Variants in HDAC9 observed in about 807,000 individuals in gnomAD.
HDAC9 encodes the protein MEF-2 interacting transcription repressor (MITR) protein.
In HDAC9, 41 loss-of-function variants were observed where a neutral mutation model predicts 139.4. The observed-to-expected ratio is 0.29, with a 90% confidence interval of 0.23 to 0.38. The LOEUF is 0.38. Ranked by LOEUF, HDAC9 falls within the 10% of genes least tolerant of loss-of-function variation. The pLI is 1.00. For missense variants in HDAC9, 1,147 were observed against 1,297.0 expected, an observed-to-expected ratio of 0.88 and a Z score of 1.78; for synonymous variants, 517 against 476.2, an observed-to-expected ratio of 1.09 and a Z score of -1.12.
intron 12 of HDAC9, among the ~76,000 whole-genome samples, chr7:18,711,724 G>A (rs563625563): frequency 2.0e-5 from 3 of 152,132 alleles, no homozygotes; most frequent in Non-Finnish European, 4.4e-5. Flanking sequence ...TGAGAGGAAC[G>A]CTGTCTTCCA....
chr7:18,218,581 A>C (rs1467513397), intron 2 of HDAC9, among the ~76,000 whole-genome samples: 2 of 152,180 alleles, frequency 1.3e-5, no homozygotes, highest in African/African-American at 4.8e-5. Flanking sequence ...GAAGGTGCGG[A>C]TCATTGGGCC....
intron 1 of HDAC9, among the ~76,000 whole-genome samples, chr7:18,311,652 A>G (rs1376826526): frequency 4.6e-5 from 7 of 152,096 alleles, no homozygotes; most frequent in South Asian, 4.1e-4. Context: ...CGCTCATAGT[A>G]CTATATTCTG....
chr7:18,089,989 C>A (rs1782039671), intron 1 of HDAC9, among the ~76,000 whole-genome samples: 1 of 151,958 alleles, frequency 6.6e-6, no homozygotes, highest in African/African-American at 2.4e-5. Flanking sequence ...CTGCTTGAAG[C>A]CTTTTGCTTT....
chr7:18,313,444 T>A (rs1799444665), intron 1 of HDAC9, among the ~76,000 whole-genome samples: 1 of 152,210 alleles, frequency 6.6e-6, no homozygotes, highest in African/African-American at 2.4e-5. Context: ...ATTTATGACC[T>A]GACACTGAGA....
rs1823024178 is a variant in HDAC9 at position 18,568,035 on chromosome 7, T to TATATATATATATATAC, written c.23-17231_23-17230insCATATATATATATATA. On this transcript the variant is annotated intron_variant, in intron 2 of 25. Transcript: ENST00000686413. ...CAGGATATATGTATATGTATATATATATATATATATATATATATGTAAGCT... is the reference window on the plus strand; with the variant it reads ...CAGGATATATGTATATGTATATATATATATATATATATATACATATATATATATATATATGTAAGCT... 3.0e-5 allele frequency among the ~76,000 whole-genome samples: 4 copies of TATATATATATATATAC among 135,564 alleles called. No individual in the cohort carries two copies. The South Asian group carries it at 8.8e-4, about 30-fold the overall frequency. The allele number at this position is 135,564 out of a possible 152,430, so 88.9% of individuals were successfully genotyped here.
intron 1 of HDAC9, among the ~76,000 whole-genome samples, chr7:18,121,987 C>A (rs959035716): frequency 6.6e-6 from 1 of 151,942 alleles, no homozygotes; most frequent in African/African-American, 2.4e-5. Flanking sequence ...CTTTTTCAAC[C>A]TTTTATGAAA....
intron 1 of HDAC9, among the ~76,000 whole-genome samples, chr7:18,310,763 G>A (rs1277428193): frequency 1.3e-5 from 2 of 151,512 alleles, no homozygotes; most frequent in Non-Finnish European, 2.9e-5. Flanking sequence ...AGGGGAAAGA[G>A]AAGTTGACAT....
rs150665890 is a variant in HDAC9, at chr7:18,960,492, C to T, written c.3022+6262C>T. On this transcript the variant is annotated intron_variant, in intron 24 of 25. Coordinates refer to ENST00000686413, the MANE Select transcript of HDAC9 (RefSeq NM_178425.4). ...CTGGTCTTAGAAGTAACAACTGATA[C>T]TAGAAAAGAACAAAGGAATGCTGAT... is the stretch of plus-strand genomic sequence containing the variant. Among the ~76,000 whole-genome samples the T allele has an allele frequency of 2.6e-5, 4 of 152,030 alleles. No homozygotes were observed. In the East Asian group the frequency reaches 7.7e-4, roughly 29 times the overall value.
intron 1 of HDAC9, among the ~76,000 whole-genome samples, chr7:18,291,564 G>A (rs914049420): frequency 1.3e-5 from 2 of 151,958 alleles, no homozygotes; most frequent in Non-Finnish European, 2.9e-5. Context: ...GTGATGGTAG[G>A]GTTGTGATTT....
chr7:18,758,318 T>C (rs770038742), intron 14 of HDAC9, among the ~76,000 whole-genome samples: 14 of 152,186 alleles, frequency 9.2e-5, no homozygotes, highest in Non-Finnish European at 2.1e-4. Context: ...TCGGACCAAG[T>C]ATCTCTGAGA....
chr7:18,108,668 G>A (rs867809471), intron 1 of HDAC9, among the ~76,000 whole-genome samples: 6 of 145,450 alleles, frequency 4.1e-5, no homozygotes, highest in Admixed American at 3.5e-4. Context: ...GGCTGGAGTG[G>A]CAGTGTTGTG....
intron 13 of HDAC9, among the ~76,000 whole-genome samples, chr7:18,745,353 T>C (rs1787840499): frequency 6.6e-6 from 1 of 152,146 alleles, no homozygotes; most frequent in African/African-American, 2.4e-5. Flanking sequence ...TTATAATCTC[T>C]AGGTACCTGG....
At chr7:18,566,082 A>G (rs1346581865) in intron 2 of HDAC9, among the ~76,000 whole-genome samples, 1 of 152,222 alleles carries the variant, frequency 6.6e-6, no homozygotes, top group Non-Finnish European at 1.5e-5. Flanking sequence ...TAACATTACA[A>G]AAAGTAGATA....
intron 12 of HDAC9, among the ~76,000 whole-genome samples, chr7:18,720,290 T>C (rs574879408): frequency 6.6e-6 from 1 of 152,000 alleles, no homozygotes; most frequent in South Asian, 2.1e-4. Flanking sequence ...AATTATTTTC[T>C]TAAAGTTTGC....
chr7:18,625,756 C>G (rs1187348434), intron 6 of HDAC9, among the ~76,000 whole-genome samples: 2 of 151,864 alleles, frequency 1.3e-5, no homozygotes, highest in Non-Finnish European at 2.9e-5. Context: ...ACCATCCTGG[C>G]CAACATGGTG....
intron 2 of HDAC9, among the ~76,000 whole-genome samples, chr7:18,272,881 G>A (rs148694327): frequency 3.3e-5 from 5 of 151,340 alleles, no homozygotes; most frequent in African/African-American, 9.7e-5. Context: ...AATAAAGTGG[G>A]AAGAATGGCA....
chr7:18,853,687 A>C (rs1797466395), intron 21 of HDAC9, among the ~76,000 whole-genome samples: 2 of 152,200 alleles, frequency 1.3e-5, no homozygotes, highest in Admixed American at 1.3e-4. Flanking sequence ...CTACTAATAC[A>C]GAACTAGTCA....
At chr7:18,865,252 G>GGTGTAGGAAC (rs1412983373) in intron 21 of HDAC9, among the ~76,000 whole-genome samples, 1 of 152,174 alleles carries the variant, frequency 6.6e-6, no homozygotes, top group Admixed American at 6.6e-5. Context: ...GAACAGTGGA[G>GGTGTAGGAAC]GTGTAGGAAC....
chr7:18,667,796 A>C, intron 12 of HDAC9: 1 of 984,990 alleles, frequency 1.0e-6, no homozygotes, highest in Non-Finnish European at 1.2e-6. Context: ...CAAGTAGGGA[A>C]ATTGTTACGG....
Sources: gnomAD v4.1 joint callset for allele counts (sites outside exome capture counted in the v4.1 genomes callset) on GRCh38, gnomAD v4.1.1 for gene constraint, MANE v1.5 for transcripts, NCBI Gene and HGNC (gene_info 2026-07-23, HGNC 2026-07-21) for gene names.